The following ZNF600 variants were observed in gnomAD, a reference collection of about 807,000 sequenced individuals.
ZNF600 encodes zinc finger protein KR-ZNF1.
A neutral mutation model predicts 7.3 loss-of-function variants in ZNF600; 4 were observed. The observed-to-expected ratio is 0.55, with a 90% CI of 0.27 to 1.25. The LOEUF is 1.25. Ranked by LOEUF, ZNF600 falls within the 50% of genes most tolerant of loss-of-function variation. The probability of loss-of-function intolerance (pLI) is 0.12; values close to 1 mark genes in which losing one functional copy is unlikely to be tolerated. For synonymous variants in ZNF600, 290 were observed against 308.9 expected (o/e 0.94, Z 0.64); for missense variants, 911 against 922.1 (o/e 0.99, Z 0.16).
upstream of ZNF600, among the ~76,000 whole-genome samples, chr19:52,789,091 A>T (rs1230454368): frequency 6.6e-6 from 1 of 152,150 alleles, no homozygotes; most frequent in Non-Finnish European, 1.5e-5. Flanking sequence ...TGTCATGTCA[A>T]ATGGGGGACT....
At chr19:52,778,121 A>C (rs8110896) in intron 2 of ZNF600, among the ~76,000 whole-genome samples, 23,372 of 149,746 alleles carry the variant, frequency 0.16, 2,422 homozygotes, top group African/African-American at 0.3. Flanking sequence ...TTAAGTGATT[A>C]TCCTGCCTCA....
chr19:52,771,828 C>T (rs113933397), intron 3 of ZNF600, among the ~76,000 whole-genome samples: 1 of 152,090 alleles, frequency 6.6e-6, no homozygotes, highest in Admixed American at 6.6e-5. Flanking sequence ...TGCCCGACTG[C>T]TCTCAAACTC....
chr19:52,801,684 A>T, the ZNF600 span: 2 of 1,611,572 alleles, frequency 1.2e-6, no homozygotes, highest in Non-Finnish European at 1.7e-6. Flanking sequence ...TGTCTTCATC[A>T]TGCATTTGGA....
chr19:52,769,983 A>G (rs1366368775), intron 3 of ZNF600, among the ~76,000 whole-genome samples: 3 of 151,956 alleles, frequency 2.0e-5, no homozygotes, highest in Admixed American at 1.3e-4. Context: ...GCAAGCAAGT[A>G]AGTACATTTA....
chr19:52,781,570 C>T (rs57364342), intron 1 of ZNF600, 106 bp from the exon 2 acceptor site: 34,504 of 151,838 alleles, frequency 0.23, 5,040 homozygotes, highest in African/African-American at 0.41. Flanking sequence ...AGTTTGAGAC[C>T]AACATGGGCA....
chr19:52,823,348 G>A, the ZNF600 span, among the ~76,000 whole-genome samples: 727 of 152,078 alleles, frequency 4.8e-3, 7 homozygotes, highest in African/African-American at 0.016. Context: ...TGAGTAGCTG[G>A]GATTACAGGC....
At chr19:52,785,400 C>A (rs2062755590) in intron 1 of ZNF600, among the ~76,000 whole-genome samples, 1 of 152,032 alleles carries the variant, frequency 6.6e-6, no homozygotes, top group Non-Finnish European at 1.5e-5. Context: ...CAGGCATGTG[C>A]AACCGCTCCC....
At chr19:52,798,999 T>C in the ZNF600 span, 749 of 909,026 alleles carry the variant, frequency 8.2e-4, 4 homozygotes, top group African/African-American at 0.011. Flanking sequence ...CCAAAAGCCT[T>C]GTTACAAACC....
chr19:52,823,880 T>C, the ZNF600 span, among the ~76,000 whole-genome samples: 2 of 151,888 alleles, frequency 1.3e-5, no homozygotes, highest in South Asian at 2.1e-4. Flanking sequence ...CTGACCAATA[T>C]GGAGAAACCC....
chr19:52,799,010 T>G, the ZNF600 span: 1 of 809,698 alleles, frequency 1.2e-6, no homozygotes, highest in Non-Finnish European at 1.9e-6. Flanking sequence ...GTTACAAACC[T>G]TACATTTGTA....
chr19:52,802,732 T>C, the ZNF600 span, among the ~76,000 whole-genome samples: 10 of 151,236 alleles, frequency 6.6e-5, no homozygotes, highest in South Asian at 1.9e-3. Context: ...CAAAATTACC[T>C]ATATCCATGT....
At chr19:52,789,377 T>C (rs1393361220), upstream of ZNF600, among the ~76,000 whole-genome samples, 4 of 152,232 alleles carry the variant, frequency 2.6e-5, no homozygotes, top group African/African-American at 9.6e-5. Flanking sequence ...AACATTTTTC[T>C]CTCACATCTC....
the ZNF600 span, among the ~76,000 whole-genome samples, chr19:52,813,322 C>G: frequency 6.9e-6 from 1 of 143,944 alleles, no homozygotes; most frequent in Non-Finnish European, 1.5e-5. Context: ...GAGGAGGGAC[C>G]TGTTTTGGGG....
chr19:52,792,720 T>TA, the ZNF600 span, among the ~76,000 whole-genome samples: 3 of 151,656 alleles, frequency 2.0e-5, no homozygotes, highest in African/African-American at 7.3e-5. Flanking sequence ...TCAATCCTCT[T>TA]TTTATTTATT....
chr19:52,783,777 T>G (rs930468878), intron 1 of ZNF600, among the ~76,000 whole-genome samples: 2 of 152,096 alleles, frequency 1.3e-5, no homozygotes, highest in Admixed American at 1.3e-4. Flanking sequence ...TGCTCCATTC[T>G]TTTTTGTTTT....
chr19:52,807,754 C>A, the ZNF600 span: 4,196 of 604,216 alleles, frequency 6.9e-3, 146 homozygotes, highest in African/African-American at 0.072. Context: ...GGATAACAGG[C>A]GTGAGCCACC....
upstream of ZNF600, among the ~76,000 whole-genome samples, chr19:52,789,314 G>A (rs1373709734): frequency 2.6e-5 from 4 of 152,180 alleles, no homozygotes; most frequent in Non-Finnish European, 2.9e-5. Context: ...ACAGAGGCAG[G>A]AGTTGATGTC....
chr19:52,782,833 C>G (rs1196440657), intron 1 of ZNF600, among the ~76,000 whole-genome samples: 2 of 151,970 alleles, frequency 1.3e-5, no homozygotes, highest in Non-Finnish European at 2.9e-5. Flanking sequence ...AAAGATCGCT[C>G]CACTGCACTC....
the ZNF600 span, chr19:52,799,794 A>G: frequency 6.2e-7 from 1 of 1,613,902 alleles, no homozygotes; most frequent in Non-Finnish European, 8.5e-7. Flanking sequence ...TCCAGTATGA[A>G]CTCTCTGATG....
Sources: gnomAD v4.1 joint callset for allele counts (sites outside exome capture counted in the v4.1 genomes callset) on GRCh38, gnomAD v4.1.1 for gene constraint, MANE v1.5 for transcripts, NCBI Gene and HGNC (gene_info 2026-07-23, HGNC 2026-07-21) for gene names.